Variants in EPHB1 observed in about 807,000 individuals in gnomAD.
The protein encoded by EPHB1 is EPH receptor B1, also known as ephrin type-B receptor 1.
EPHB1 carries 30 observed loss-of-function variants against 94.4 expected under a neutral mutation model. The ratio of observed to expected loss-of-function variants is 0.32; its 90% CI spans 0.24 to 0.43. The LOEUF is 0.43. Ranked by LOEUF, EPHB1 falls within the 20% of genes least tolerant of loss-of-function variation. The probability of loss-of-function intolerance (pLI) is 1.00; values close to 1 mark genes in which losing one functional copy is unlikely to be tolerated. For missense variants in EPHB1, 1,055 were observed against 1,308.3 expected (o/e 0.81, Z 2.99); for synonymous variants, 522 against 489.1 (o/e 1.07, Z -0.89).
chr3:135,014,065 G>A (rs1935711044), intron 3 of EPHB1, among the ~76,000 whole-genome samples: 1 of 152,126 alleles, frequency 6.6e-6, no homozygotes, highest in African/African-American at 2.4e-5. Flanking sequence ...GAGGAGGTCT[G>A]CCCTGTGAGA....
At chr3:135,129,804 A>C (rs1213846862) in intron 4 of EPHB1, among the ~76,000 whole-genome samples, 5 of 152,226 alleles carry the variant, frequency 3.3e-5, no homozygotes, top group Admixed American at 1.3e-4. Context: ...GCAGGAGTTC[A>C]AGTTGATACA....
intron 14 of EPHB1, among the ~76,000 whole-genome samples, 168 bp downstream of exon 14, chr3:135,248,677 T>G (rs1943987594): frequency 6.6e-6 from 1 of 151,926 alleles, no homozygotes; most frequent in African/African-American, 2.4e-5. Flanking sequence ...AGGAGAACAT[T>G]GCAATGATCA....
intron 2 of EPHB1, among the ~76,000 whole-genome samples, chr3:134,948,570 C>A (rs1267358788): frequency 6.6e-6 from 1 of 152,198 alleles, no homozygotes; most frequent in Non-Finnish European, 1.5e-5. Context: ...TCTAGAGAAT[C>A]AATAAGGAAT....
In EPHB1 at chr3:135,088,937, T is replaced by G. The variant is rs1042975752; in HGVS notation, c.806-17511T>G. ...CAGTTATTTCATGCCAGATATTGTATCAAACATTTATATTTTCTATCTCAT... is the reference window on the plus strand; with the variant it reads ...CAGTTATTTCATGCCAGATATTGTAGCAAACATTTATATTTTCTATCTCAT... On this transcript the variant is annotated intron_variant, in intron 3 of 15. Transcript: ENST00000398015. Among the ~76,000 whole-genome samples the G allele has an allele frequency of 3.9e-5, 6 of 152,246 alleles. No homozygotes were observed. In the South Asian group the frequency reaches 8.3e-4, roughly 21 times the overall value.
chr3:135,153,076 T>C (rs1024236249), intron 5 of EPHB1, among the ~76,000 whole-genome samples: 1 of 152,156 alleles, frequency 6.6e-6, no homozygotes, highest in Non-Finnish European at 1.5e-5. Context: ...GAGGGTCCAA[T>C]GAGTAGTGGA....
intron 3 of EPHB1, among the ~76,000 whole-genome samples, chr3:135,023,818 G>A (rs1409607586): frequency 6.6e-6 from 1 of 152,130 alleles, no homozygotes; most frequent in Non-Finnish European, 1.5e-5. Context: ...GTCAGGCATT[G>A]CTGTCTAGCC....
chr3:134,919,648 A>G (rs142138607), intron 1 of EPHB1, among the ~76,000 whole-genome samples: 1 of 152,334 alleles, frequency 6.6e-6, no homozygotes, highest in East Asian at 1.9e-4. Context: ...CAGGAGTTCC[A>G]TGCCAATAGG....
rs532998291 is a variant in EPHB1, at chr3:135,206,279, C to T, written c.2346+4590C>T. Among the ~76,000 whole-genome samples, 10 of 152,222 alleles carry T rather than the reference C, an allele frequency of 6.6e-5. No homozygotes were observed. The South Asian group carries it at 1.9e-3, about 28-fold the overall frequency. On this transcript the variant is annotated intron_variant, in intron 12 of 15. Transcript: ENST00000398015. ...TTGTTGATAGACACCAGGAATATTC[C>T]GGAATTCATTTTTGACTATGTATTG...
intron 4 of EPHB1, among the ~76,000 whole-genome samples, chr3:135,124,267 C>A (rs1940103724): frequency 6.6e-6 from 1 of 151,736 alleles, no homozygotes; most frequent in Non-Finnish European, 1.5e-5. Flanking sequence ...CAGATGGCCT[C>A]TGCTCTGAGA....
chr3:135,073,659 GTCTT>G (rs1385746779), intron 3 of EPHB1, among the ~76,000 whole-genome samples: 7 of 152,062 alleles, frequency 4.6e-5, no homozygotes, highest in African/African-American at 1.7e-4. Context: ...GAATGTCTCT[GTCTT>G]TCTCTCTTTT....
chr3:134,851,723 A>G (rs1362822979), intron 1 of EPHB1, among the ~76,000 whole-genome samples: 1 of 152,150 alleles, frequency 6.6e-6, no homozygotes, highest in Admixed American at 6.5e-5. Flanking sequence ...TTTTGTTCAC[A>G]TGTTGTCTTG....
chr3:135,038,815 G>C (rs1165644604), intron 3 of EPHB1, among the ~76,000 whole-genome samples: 1 of 152,108 alleles, frequency 6.6e-6, no homozygotes, highest in Non-Finnish European at 1.5e-5. Context: ...AAGAGCGAAA[G>C]AACAAAGCTT....
intron 3 of EPHB1, among the ~76,000 whole-genome samples, chr3:135,045,888 CTT>C (rs1936984199): frequency 6.6e-6 from 1 of 152,178 alleles, no homozygotes; most frequent in Admixed American, 6.5e-5. Flanking sequence ...TGCAACTTAA[CTT>C]TTTGAGTTTT....
chr3:135,241,119 G>A (rs1030976951), intron 12 of EPHB1, 29 bp from the exon 13 acceptor site: 1 of 1,613,860 alleles, frequency 6.2e-7, no homozygotes, highest in African/African-American at 1.3e-5. Flanking sequence ...CCTGATTGTT[G>A]GGCTGACCAC....
rs149801174 is a variant in EPHB1, at chr3:134,874,401, G to A, written c.59-51415G>A. 3.9e-4 allele frequency among the ~76,000 whole-genome samples: 60 copies of A among 152,056 alleles called. 1 individual carries two copies. Among genetic ancestry groups the A allele is most frequent in the Admixed American group, 7.2e-4 (11 of 15,278 alleles). Reference sequence around the variant, plus strand: ...GTGAGGGGAGAGAACTTAGAGGATGGGTCAATAGGTGCAGCAAACCACCAT... The same window carrying A: ...GTGAGGGGAGAGAACTTAGAGGATGAGTCAATAGGTGCAGCAAACCACCAT... On this transcript the variant is annotated intron_variant, in intron 1 of 15. Coordinates refer to ENST00000398015, the MANE Select transcript of EPHB1 (RefSeq NM_004441.5).
intron 1 of EPHB1, among the ~76,000 whole-genome samples, chr3:134,908,492 G>T (rs9843661): frequency 0.13 from 19,863 of 152,256 alleles, 1,682 homozygotes; most frequent in Middle Eastern, 0.24. Flanking sequence ...CTGTGTGGAG[G>T]GCAATAGGGC....
chr3:135,035,879 G>A (rs761125033), intron 3 of EPHB1, among the ~76,000 whole-genome samples: 4 of 149,084 alleles, frequency 2.7e-5, no homozygotes, highest in African/African-American at 7.3e-5. Flanking sequence ...GACAAGTTTG[G>A]TCCATAGGGT....
intron 15 of EPHB1, among the ~76,000 whole-genome samples, chr3:135,252,564 C>G (rs955162023): frequency 1.3e-5 from 2 of 149,022 alleles, no homozygotes; most frequent in Non-Finnish European, 3.0e-5. Context: ...TTTATGGCTG[C>G]ATAGTATTCC....
Position 135,073,822 on chromosome 3 carries a change from T to C in EPHB1, c.806-32626T>C, listed in dbSNP as rs554926447. Reference sequence around the variant, plus strand: ...TTAAGAAACCATGTTGTTTGTCCTATGGAGCGTTCCATAGTCTGAGTTTGC... The same window carrying C: ...TTAAGAAACCATGTTGTTTGTCCTACGGAGCGTTCCATAGTCTGAGTTTGC... On this transcript the variant is annotated intron_variant, in intron 3 of 15. Transcript: ENST00000398015. Among the ~76,000 whole-genome samples the C allele has an allele frequency of 2.6e-5, 4 of 152,206 alleles. No homozygotes were observed. In the South Asian group the frequency reaches 8.3e-4, roughly 31 times the overall value.
Sources: gnomAD v4.1 joint callset for allele counts (sites outside exome capture counted in the v4.1 genomes callset) on GRCh38, gnomAD v4.1.1 for gene constraint, MANE v1.5 for transcripts, NCBI Gene and HGNC (gene_info 2026-07-23, HGNC 2026-07-21) for gene names.